DPH5: variants seen among roughly 807,000 people sequenced by gnomAD.
The protein encoded by DPH5 is diphthamide biosynthesis 5.
In DPH5, 31 loss-of-function variants were observed where a neutral mutation model predicts 31.6. The observed-to-expected ratio is 0.98, with a 90% CI of 0.74 to 1.32. DPH5 has a LOEUF of 1.32. Among genes scored for constraint, DPH5 ranks in the 40% most tolerant of loss-of-function variants. The probability of loss-of-function intolerance (pLI) is 0.00; values close to 1 mark genes in which losing one functional copy is unlikely to be tolerated. For synonymous variants in DPH5, 120 were observed against 115.0 expected (o/e 1.04, Z -0.28); for missense variants, 309 against 335.7 (o/e 0.92, Z 0.62).
At position 101,015,824 on chromosome 1, in the gene DPH5, A is replaced by G. The variant is rs12029051; in HGVS notation, c.261-2006T>C. Among the ~76,000 whole-genome samples, 5 of 152,246 alleles carry G rather than the reference A, an allele frequency of 3.3e-5. No individual in the cohort carries two copies. In the East Asian group the frequency reaches 9.6e-4, roughly 29 times the overall value. The stretch of plus-strand genomic sequence containing the variant: ...GAGACAACTTTTTTCCTTAAACCTC[A>G]TGAACCAACCTCGGCTAGCTTGGAA... On this transcript the variant is annotated intron_variant, in intron 3 of 7. Transcript: ENST00000370109.
At chr1:101,021,338 T>C (rs77961040) in intron 3 of DPH5, among the ~76,000 whole-genome samples, 28 of 152,320 alleles carry the variant, frequency 1.8e-4, no homozygotes, top group African/African-American at 5.8e-4. Context: ...TTAATAATGA[T>C]ATAGCAGTTA....
At chr1:101,021,314 AT>A (rs1660423600) in intron 3 of DPH5, among the ~76,000 whole-genome samples, 1 of 152,236 alleles carries the variant, frequency 6.6e-6, no homozygotes, top group Non-Finnish European at 1.5e-5. Context: ...ACTTTTGATA[AT>A]GTAATGAACT....
At chr1:101,000,441 T>A (rs1317085063) in intron 5 of DPH5, among the ~76,000 whole-genome samples, 4 of 152,160 alleles carry the variant, frequency 2.6e-5, no homozygotes, top group East Asian at 3.8e-4. Context: ...GACCGAAAAT[T>A]TAAAAATCAA....
In DPH5 at chr1:101,025,432, G is replaced by A. The variant is rs1292534097; in HGVS notation, c.12C>T (p.Leu4=). Residue 4 remains leucine, a synonymous_variant, in exon 2 of 8, where the codon CTC becomes CTT. Transcript: ENST00000370109. ...TGGCATCTCCCAGGCCCAACCCGATGAGATAAAGCATTTCAAACTTGAGGA... is the reference window on the plus strand; with the variant it reads ...TGGCATCTCCCAGGCCCAACCCGATAAGATAAAGCATTTCAAACTTGAGGA... MLY[L]IGLGLGDAKD... The A allele has an allele frequency of 1.2e-6, 2 of 1,614,126 alleles. No individual in the cohort carries two copies. The highest frequency in any genetic ancestry group is 1.1e-5 in the South Asian group (1 of 91,072).
chr1:100,990,335 G>T lies in DPH5; in HGVS notation c.*73C>A. 1 of 1,373,142 alleles carries T rather than the reference G, an allele frequency of 7.3e-7. No individual in the cohort carries two copies. The highest frequency in any genetic ancestry group is 1.0e-6 in the Non-Finnish European group (1 of 973,032). The allele number at this position is 1,373,142 out of a possible 1,614,324, so 85.1% of individuals were successfully genotyped here. Reference sequence around the variant, plus strand: ...GATTAAAATTCAAGATGAGACTTGGGTGGGGATACATCCAAACCATATCAA... The same window carrying T: ...GATTAAAATTCAAGATGAGACTTGGTTGGGGATACATCCAAACCATATCAA... On this transcript the variant is annotated 3_prime_UTR_variant, in exon 8 of 8. Coordinates refer to ENST00000370109, the MANE Select transcript of DPH5 (RefSeq NM_015958.3).
intron 6 of DPH5, 146 bp from the exon 7 acceptor site, chr1:100,992,886 C>T (rs1657905601): frequency 5.9e-6 from 3 of 512,490 alleles, no homozygotes; most frequent in Non-Finnish European, 7.0e-6. Context: ...TTTAAGCATA[C>T]ACAAAAGCAT....
In DPH5 at chr1:101,025,725, C is replaced by CTT. The variant is rs1404645437; in HGVS notation, c.-68_-67dup. ...GGTAGTTCTCTGGCCTTTACAAATT[C>CTT]TTAACTACCACCTTTCCGCAGAAGC... On this transcript the variant is annotated 5_prime_UTR_variant, in exon 1 of 8. Coordinates refer to ENST00000370109, the MANE Select transcript of DPH5 (RefSeq NM_015958.3). 2.7e-6 allele frequency: 1 copy of CTT among 376,520 alleles called. No individual in the cohort carries two copies. 23.3% of individuals were successfully genotyped at this position (376,520 alleles called of 1,614,324 possible). A position where few individuals can be genotyped will look rare whatever the true frequency, so the allele number is the denominator to read the frequency against.
rs562721216 is a variant in DPH5, at chr1:101,012,118, C to T, written c.369+1592G>A. On this transcript the variant is annotated intron_variant, in intron 4 of 7. Transcript: ENST00000370109. The stretch of plus-strand genomic sequence containing the variant: ...GTTTCACCATGTTGGCCAGGCTGTT[C>T]TTGAATTTCTGACTTCAGGTGATCC... 1.4e-4 allele frequency among the ~76,000 whole-genome samples: 22 copies of T among 152,204 alleles called. No individual in the cohort carries two copies. The South Asian group carries it at 4.6e-3, about 32-fold the overall frequency.
rs570627184 is a variant in DPH5 at position 101,004,691 on chromosome 1, T to C, written c.370-3104A>G. Among the ~76,000 whole-genome samples the C allele has an allele frequency of 9.2e-5, 14 of 152,306 alleles. No individual in the cohort carries two copies. In the East Asian group the frequency reaches 1.2e-3, roughly 13 times the overall value. ...GTAGTAATTATTATTAAATATGCTA[T>C]AGACTCTAAGCATTATAAGGATTCA... On this transcript the variant is annotated intron_variant, in intron 4 of 7. Transcript: ENST00000370109.
At chr1:100,991,606 G>T (rs1026190057) in intron 7 of DPH5, among the ~76,000 whole-genome samples, 54 of 152,116 alleles carry the variant, frequency 3.5e-4, no homozygotes, top group African/African-American at 1.3e-3. Context: ...GGGCAACATG[G>T]TGAAACCCCA....
intron 4 of DPH5, among the ~76,000 whole-genome samples, chr1:101,007,393 G>A (rs1439183159): frequency 1.3e-5 from 2 of 152,138 alleles, no homozygotes; most frequent in Non-Finnish European, 2.9e-5. Context: ...AACTGCTTCT[G>A]CAGAAATGTT....
chr1:101,008,581 T>C (rs1239814772), intron 4 of DPH5, among the ~76,000 whole-genome samples: 3 of 152,236 alleles, frequency 2.0e-5, no homozygotes, highest in Non-Finnish European at 4.4e-5. Context: ...AACATAGATA[T>C]ATTCTAAGCC....
Position 101,025,719 on chromosome 1 carries a change from C to G in DPH5, c.-60G>C, listed in dbSNP as rs957888900. 10 of 396,514 alleles carry G rather than the reference C, an allele frequency of 2.5e-5. No individual in the cohort carries two copies. Among genetic ancestry groups the G allele is most frequent in the Non-Finnish European group, 3.7e-5 (8 of 219,046 alleles). The allele number at this position is 396,514 out of a possible 1,614,324, so 24.6% of individuals were successfully genotyped here. On this transcript the variant is annotated 5_prime_UTR_variant, in exon 1 of 8. Coordinates refer to ENST00000370109, the MANE Select transcript of DPH5 (RefSeq NM_015958.3). The stretch of plus-strand genomic sequence containing the variant: ...ATCGTAGGTAGTTCTCTGGCCTTTA[C>G]AAATTCTTAACTACCACCTTTCCGC...
At chr1:101,006,360 GA>G (rs1280492341) in intron 4 of DPH5, among the ~76,000 whole-genome samples, 1 of 151,638 alleles carries the variant, frequency 6.6e-6, no homozygotes, top group Non-Finnish European at 1.5e-5. Context: ...TATGAAGTAG[GA>G]AAAAAATGAT....
rs370824896 is a variant in DPH5, at chr1:100,996,048, A to G, written c.491-899T>C. On this transcript the variant is annotated intron_variant, in intron 5 of 7. Transcript: ENST00000370109. ...GCTTGGAAATTATAGCAGAGTTAAT[A>G]TTAAATACATATTTTTAAATGTTCT... 20 of 152,342 alleles carry G rather than the reference A, an allele frequency of 1.3e-4. No homozygotes were observed. In the East Asian group the frequency reaches 3.3e-3, roughly 25 times the overall value. 9.4% of individuals were successfully genotyped at this position (152,342 alleles called of 1,614,324 possible).
At chr1:101,006,660 A>G (rs1659251612) in intron 4 of DPH5, among the ~76,000 whole-genome samples, 1 of 152,172 alleles carries the variant, frequency 6.6e-6, no homozygotes, top group African/African-American at 2.4e-5. Flanking sequence ...AATGAAACCA[A>G]TTAATGCTTC....
chr1:101,004,472 T>G (rs559834097), intron 4 of DPH5, among the ~76,000 whole-genome samples: 64 of 152,240 alleles, frequency 4.2e-4, no homozygotes, highest in Admixed American at 2.9e-3. Context: ...AAACAGCTGT[T>G]TTGTAAGAAA....
Position 101,025,426 on chromosome 1 carries a change from C to A in DPH5, c.18G>T (p.Gly6=), listed in dbSNP as rs768430351. 1 of 1,614,148 alleles carries A rather than the reference C, an allele frequency of 6.2e-7. No individual in the cohort carries two copies. Among genetic ancestry groups the A allele is most frequent in the Non-Finnish European group, 8.5e-7 (1 of 1,180,030 alleles). The change falls in exon 2 of 8, where the codon GGG becomes GGT. Residue 6 remains glycine (G), a synonymous_variant. Coordinates refer to ENST00000370109, the MANE Select transcript of DPH5 (RefSeq NM_015958.3). ...TGTCCTTGGCATCTCCCAGGCCCAA[C>A]CCGATGAGATAAAGCATTTCAAACT... MLYLI[G]LGLGDAKDIT...
intron 3 of DPH5, 61 bp from the exon 4 acceptor site, chr1:101,013,879 A>G (rs1659877242): frequency 3.1e-6 from 4 of 1,309,636 alleles, no homozygotes; most frequent in African/African-American, 1.5e-5. Flanking sequence ...CAGTAAAGCT[A>G]TATTTCCTGA....
Sources: allele counts gnomAD v4.1 joint callset (sites outside exome capture counted in the v4.1 genomes callset), GRCh38; gene constraint gnomAD v4.1.1; transcripts MANE v1.5; gene names NCBI Gene and HGNC (gene_info 2026-07-23, HGNC 2026-07-21).